The following KCMF1 variants were observed in gnomAD, a reference collection of about 807,000 sequenced individuals.
KCMF1 encodes the protein potassium channel modulatory factor 1.
Under a neutral mutation model 41.1 loss-of-function variants are expected in KCMF1, and 3 were observed. That is an observed-to-expected ratio of 0.07 (90% CI 0.03 to 0.19). The LOEUF (loss-of-function observed/expected upper bound fraction) is 0.19, where lower values mean the gene tolerates loss of function less well. Among genes scored for constraint, KCMF1 ranks in the 10% least tolerant of loss-of-function variants. KCMF1 has a pLI of 1.00. For synonymous variants in KCMF1, 142 were observed against 164.5 expected (o/e 0.86, Z 1.04); for missense variants, 286 against 488.9 (o/e 0.58, Z 3.91).
chr2:85,019,493 G>T (rs1056024799), intron 1 of KCMF1, among the ~76,000 whole-genome samples: 53 of 152,218 alleles, frequency 3.5e-4, no homozygotes, highest in African/African-American at 1.3e-3. Context: ...GACAACAGAA[G>T]GAATTAAAGG....
chr2:84,983,514 CTTGT>C (rs1673819393), intron 1 of KCMF1, among the ~76,000 whole-genome samples: 1 of 151,440 alleles, frequency 6.6e-6, no homozygotes, highest in Non-Finnish European at 1.5e-5. Context: ...GTTTTTTTTG[CTTGT>C]TTGTTTGAGA....
At chr2:85,037,397 G>A (rs1310837021) in intron 3 of KCMF1, among the ~76,000 whole-genome samples, 1 of 152,178 alleles carries the variant, frequency 6.6e-6, no homozygotes, top group Non-Finnish European at 1.5e-5. Flanking sequence ...CTGGCATTCA[G>A]CAGGTACAGC....
intron 1 of KCMF1, among the ~76,000 whole-genome samples, chr2:85,024,123 A>G (rs572301534): frequency 2.6e-5 from 4 of 152,332 alleles, no homozygotes; most frequent in Non-Finnish European, 4.4e-5. Context: ...TCTGTCATGT[A>G]TGTTGTACAT....
chr2:85,019,649 A>G (rs902870938), intron 1 of KCMF1, among the ~76,000 whole-genome samples: 1 of 152,110 alleles, frequency 6.6e-6, no homozygotes, highest in African/African-American at 2.4e-5. Context: ...TGCCTGCCAC[A>G]TAGATTATTA....
At position 85,057,308 on chromosome 2, in the gene KCMF1, G is replaced by T. The variant is rs183342056; in HGVS notation, c.*3899G>T. On this transcript the variant is annotated 3_prime_UTR_variant, in exon 7 of 7. Transcript: ENST00000409785. ...TAAAGCTCAACTAGACACTAAAACA[G>T]TTCTCTCCTTGAGACCGGAAGTGGG... 2.1e-4 allele frequency: 32 copies of T among 152,298 alleles called. No homozygotes were observed. The highest frequency in any genetic ancestry group is 7.0e-4 in the African/African-American group (29 of 41,552). 9.4% of individuals were successfully genotyped at this position (152,298 alleles called of 1,614,324 possible).
intron 1 of KCMF1, among the ~76,000 whole-genome samples, chr2:85,024,441 C>T (rs1298314214): frequency 6.6e-6 from 1 of 152,068 alleles, no homozygotes; most frequent in Non-Finnish European, 1.5e-5. Flanking sequence ...CCATTGCACT[C>T]CAGCCCCGGC....
At chr2:84,983,520 T>G (rs1574005444) in intron 1 of KCMF1, among the ~76,000 whole-genome samples, 1 of 152,256 alleles carries the variant, frequency 6.6e-6, no homozygotes, top group Non-Finnish European at 1.5e-5. Context: ...TTTGCTTGTT[T>G]GTTTGAGATA....
intron 3 of KCMF1, among the ~76,000 whole-genome samples, chr2:85,035,823 A>C (rs1252420024): frequency 6.6e-6 from 1 of 152,048 alleles, no homozygotes; most frequent in Non-Finnish European, 1.5e-5. Flanking sequence ...TCTCTCCCCC[A>C]CCTCTTTACC....
intron 3 of KCMF1, among the ~76,000 whole-genome samples, chr2:85,041,049 C>T (rs951226360): frequency 5.3e-5 from 8 of 152,070 alleles, no homozygotes; most frequent in South Asian, 2.1e-4. Context: ...CATGAGCCAC[C>T]GTGCCTGGCC....
chr2:84,990,553 A>C (rs965146177), intron 1 of KCMF1, among the ~76,000 whole-genome samples: 1 of 152,118 alleles, frequency 6.6e-6, no homozygotes, highest in Admixed American at 6.6e-5. Context: ...TCACTCCTGT[A>C]ATCTCAATAC....
intron 2 of KCMF1, among the ~76,000 whole-genome samples, chr2:85,028,428 G>A (rs960372052): frequency 3.4e-5 from 5 of 146,816 alleles, no homozygotes; most frequent in Non-Finnish European, 7.4e-5. Flanking sequence ...CAGTCAATCT[G>A]CCCGACTCAG....
chr2:85,059,150 T>C lies in KCMF1; in HGVS notation c.*5741T>C, dbSNP rs1051270460. 6.6e-6 allele frequency: 1 copy of C among 152,220 alleles called. No homozygotes were observed. The highest frequency in any genetic ancestry group is 2.4e-5 in the African/African-American group (1 of 41,448). The allele number at this position is 152,220 out of a possible 1,614,324, so 9.4% of individuals were successfully genotyped here. A position where few individuals can be genotyped will look rare whatever the true frequency, so the allele number is the denominator to read the frequency against. On this transcript the variant is annotated 3_prime_UTR_variant, in exon 7 of 7. Transcript: ENST00000409785. ...GGCCAGCCTTGAATCCATTTAATTT[T>C]GCCCACGAGAACCTTTCATGACAAT... is the stretch of plus-strand genomic sequence containing the variant.
chr2:84,992,176 A>C (rs1032122827), intron 1 of KCMF1, among the ~76,000 whole-genome samples: 2 of 152,212 alleles, frequency 1.3e-5, no homozygotes, highest in Admixed American at 6.5e-5. Flanking sequence ...TAGTAACCTC[A>C]GAGAATGGTT....
chr2:85,020,243 A>C (rs1674896793), intron 1 of KCMF1, among the ~76,000 whole-genome samples: 1 of 152,182 alleles, frequency 6.6e-6, no homozygotes. Flanking sequence ...GTCAGGCTAC[A>C]CACCAAAAAG....
Position 85,035,152 on chromosome 2 carries a change from A to T in KCMF1, c.321A>T (p.Glu107Asp). The change falls in exon 3 of 7, where the codon GAA becomes GAT. Residue 107 changes from glutamate to aspartate, a missense_variant. Glu to Asp is a conservative substitution (Grantham distance 45). Coordinates refer to ENST00000409785, the MANE Select transcript of KCMF1 (RefSeq NM_020122.5). ...VTSEHAETST[E>D]VICPICAALP... Reference sequence around the variant, plus strand: ...CTGAACATGCAGAAACATCAACAGAAGTGGTAAGTGAAGCAGCAACCTTAT... The same window carrying T: ...CTGAACATGCAGAAACATCAACAGATGTGGTAAGTGAAGCAGCAACCTTAT... 6.2e-7 allele frequency: 1 copy of T among 1,611,530 alleles called. No individual in the cohort carries two copies. Among genetic ancestry groups the T allele is most frequent in the Non-Finnish European group, 8.5e-7 (1 of 1,179,024 alleles).
chr2:85,033,485 C>G (rs888337180), intron 2 of KCMF1, among the ~76,000 whole-genome samples: 1 of 152,112 alleles, frequency 6.6e-6, no homozygotes, highest in Non-Finnish European at 1.5e-5. Context: ...TTCATCTGGT[C>G]GACTTCAGGT....
At chr2:85,031,536 T>C (rs1675268108) in intron 2 of KCMF1, among the ~76,000 whole-genome samples, 1 of 152,216 alleles carries the variant, frequency 6.6e-6, no homozygotes, top group African/African-American at 2.4e-5. Flanking sequence ...GGCTTTGTTT[T>C]AGGTGATTTT....
At chr2:84,999,747 A>G (rs1674281939) in intron 1 of KCMF1, among the ~76,000 whole-genome samples, 1 of 152,252 alleles carries the variant, frequency 6.6e-6, no homozygotes, top group Non-Finnish European at 1.5e-5. Context: ...TAGGGATAAC[A>G]TAAGACAAAT....
At chr2:84,990,487 G>A (rs1674015724) in intron 1 of KCMF1, among the ~76,000 whole-genome samples, 1 of 152,072 alleles carries the variant, frequency 6.6e-6, no homozygotes, top group South Asian at 2.1e-4. Context: ...ATTTTGGAAG[G>A]TGATAAATAT....
Sources: gnomAD v4.1 joint callset for allele counts (sites outside exome capture counted in the v4.1 genomes callset) on GRCh38, gnomAD v4.1.1 for gene constraint, MANE v1.5 for transcripts, NCBI Gene and HGNC (gene_info 2026-07-23, HGNC 2026-07-21) for gene names.